The following ST3GAL1 variants were observed in gnomAD, a reference collection of about 807,000 sequenced individuals.
The protein encoded by ST3GAL1 is CMP-N-acetylneuraminate-beta-galactosamide-alpha-2,3-sialyltransferase 1.
In ST3GAL1, 16 loss-of-function variants were observed where a neutral mutation model predicts 34.1. That is an observed-to-expected ratio of 0.47 (90% CI 0.32 to 0.71). ST3GAL1 has a LOEUF of 0.71. Ranked by LOEUF, ST3GAL1 falls within the 30% of genes least tolerant of loss-of-function variation. The pLI is 0.04. For missense variants in ST3GAL1, 353 were observed against 447.4 expected, an observed-to-expected ratio of 0.79 and a Z score of 1.90; for synonymous variants, 191 against 184.7, an observed-to-expected ratio of 1.03 and a Z score of -0.28.
At position 133,463,898 on chromosome 8, in the gene ST3GAL1, G is replaced by A. The variant is rs550688625; in HGVS notation, c.684-439C>T. ...GCAAAGGTGCCAAAGCTGGTCCCAC[G>A]GGTGTGATTCCTGCTCCCAGAGAGA... On this transcript the variant is annotated intron_variant, in intron 7 of 9. Coordinates refer to ENST00000522652, the MANE Select transcript of ST3GAL1 (RefSeq NM_173344.3). Among the ~76,000 whole-genome samples the A allele has an allele frequency of 3.9e-5, 6 of 152,274 alleles. No homozygotes were observed. The South Asian group carries it at 1.0e-3, about 26-fold the overall frequency.
chr8:133,565,547 G>A (rs1488526375), intron 1 of ST3GAL1, among the ~76,000 whole-genome samples: 1 of 152,132 alleles, frequency 6.6e-6, no homozygotes, highest in Non-Finnish European at 1.5e-5. Context: ...ACCATCTCTG[G>A]AAGCACATCT....
chr8:133,487,665 CA>C (rs1426518460), intron 3 of ST3GAL1, among the ~76,000 whole-genome samples: 2 of 152,162 alleles, frequency 1.3e-5, no homozygotes, highest in Middle Eastern at 3.2e-3. Context: ...CTGAACAAAA[CA>C]AAAGTTAGAC....
intron 2 of ST3GAL1, among the ~76,000 whole-genome samples, chr8:133,518,094 G>A (rs1479961312): frequency 2.0e-5 from 3 of 152,156 alleles, no homozygotes; most frequent in Admixed American, 2.0e-4. Context: ...ACTGACTCCT[G>A]GGCTGAGTGT....
intron 1 of ST3GAL1, among the ~76,000 whole-genome samples, chr8:133,568,259 C>T (rs1819465314): frequency 6.6e-6 from 1 of 152,102 alleles, no homozygotes; most frequent in African/African-American, 2.4e-5. Flanking sequence ...GACCCAGAGC[C>T]TGGAATAGTT....
intron 8 of ST3GAL1, 136 bp downstream of exon 8, chr8:133,463,278 A>G (rs1815579544): frequency 3.2e-6 from 3 of 936,830 alleles, no homozygotes; most frequent in Admixed American, 2.2e-5. Flanking sequence ...CCCCAGGGGG[A>G]TAGCTAAGTG....
chr8:133,499,998 A>T (rs1021815958), intron 2 of ST3GAL1, among the ~76,000 whole-genome samples: 3 of 152,196 alleles, frequency 2.0e-5, no homozygotes, highest in Non-Finnish European at 4.4e-5. Flanking sequence ...AGGAACAGAG[A>T]GACGTGAATC....
intron 6 of ST3GAL1, 148 bp downstream of exon 6, chr8:133,465,746 G>T (rs1394181238): frequency 1.3e-6 from 1 of 775,790 alleles, no homozygotes; most frequent in African/African-American, 1.7e-5. Flanking sequence ...TGAGGCCCAG[G>T]GGGTGCAGTG....
At chr8:133,564,239 T>A (rs1465199875) in intron 1 of ST3GAL1, among the ~76,000 whole-genome samples, 1 of 152,218 alleles carries the variant, frequency 6.6e-6, no homozygotes, top group Non-Finnish European at 1.5e-5. Context: ...GCTTTAATCC[T>A]TAGCACAAAA....
At chr8:133,538,313 G>C (rs956350925) in intron 2 of ST3GAL1, among the ~76,000 whole-genome samples, 1 of 152,188 alleles carries the variant, frequency 6.6e-6, no homozygotes. Flanking sequence ...TCAGGAGTTC[G>C]AGATCGGCCT....
intron 3 of ST3GAL1, among the ~76,000 whole-genome samples, chr8:133,481,199 C>G (rs545152685): frequency 7.0e-4 from 106 of 152,326 alleles, no homozygotes; most frequent in African/African-American, 2.4e-3. Context: ...ATGAGGCTGT[C>G]CTCCTTCAGA....
Position 133,518,128 on chromosome 8 carries a change from C to T in ST3GAL1, c.-428-18939G>A, listed in dbSNP as rs149017354. Among the ~76,000 whole-genome samples the T allele has an allele frequency of 8.1e-4, 124 of 152,368 alleles. 1 individual carries two copies. Among genetic ancestry groups the T allele is most frequent in the African/African-American group, 2.8e-3 (117 of 41,592 alleles). On this transcript the variant is annotated intron_variant, in intron 2 of 9. Transcript: ENST00000522652. ...GTTCCAACGGTCACCTCTGCTCCTA[C>T]TGTCCATGACTTGTCTGATATTCAC... is the stretch of plus-strand genomic sequence containing the variant.
chr8:133,563,755 C>T (rs1270717992), intron 1 of ST3GAL1, among the ~76,000 whole-genome samples: 1 of 152,154 alleles, frequency 6.6e-6, no homozygotes, highest in African/African-American at 2.4e-5. Flanking sequence ...AAACACACTC[C>T]CGGGTGGAGA....
intron 1 of ST3GAL1, among the ~76,000 whole-genome samples, chr8:133,569,272 A>T (rs1363048588): frequency 2.0e-5 from 3 of 152,198 alleles, no homozygotes; most frequent in Non-Finnish European, 4.4e-5. Context: ...GATTTTGAAA[A>T]GGCAAGAGGA....
At chr8:133,480,615 T>C (rs1233832363) in intron 3 of ST3GAL1, among the ~76,000 whole-genome samples, 1 of 152,148 alleles carries the variant, frequency 6.6e-6, no homozygotes, top group African/African-American at 2.4e-5. Context: ...GAGAGGTGGG[T>C]AACCCTTACG....
At chr8:133,487,448 G>C (rs1586608640) in intron 3 of ST3GAL1, among the ~76,000 whole-genome samples, 1 of 152,198 alleles carries the variant, frequency 6.6e-6, no homozygotes, top group East Asian at 1.9e-4. Context: ...ATAATGGCTA[G>C]TGGGGTTGAA....
At chr8:133,538,694 C>T (rs898692720) in intron 2 of ST3GAL1, among the ~76,000 whole-genome samples, 1 of 152,224 alleles carries the variant, frequency 6.6e-6, no homozygotes, top group Non-Finnish European at 1.5e-5. Flanking sequence ...TTAGAGCATT[C>T]CACCATGCTG....
chr8:133,561,108 C>CTTT (rs765993286), intron 1 of ST3GAL1, among the ~76,000 whole-genome samples: 81 of 106,160 alleles, frequency 7.6e-4, no homozygotes, highest in African/African-American at 9.5e-4. Context: ...CCAGAGCCAT[C>CTTT]TTTTTTTTTT....
intron 5 of ST3GAL1, among the ~76,000 whole-genome samples, chr8:133,472,672 G>T (rs1215843890): frequency 6.6e-6 from 1 of 152,132 alleles, no homozygotes; most frequent in Non-Finnish European, 1.5e-5. Context: ...AAGCTCTAAA[G>T]CCCTGCTCCT....
chr8:133,557,215 G>C (rs1049158462), intron 1 of ST3GAL1, among the ~76,000 whole-genome samples: 4 of 152,202 alleles, frequency 2.6e-5, no homozygotes, highest in Non-Finnish European at 5.9e-5. Context: ...ATTCACAAAA[G>C]ACAATACAAG....
Sources: gnomAD v4.1 joint callset for allele counts (sites outside exome capture counted in the v4.1 genomes callset) on GRCh38, gnomAD v4.1.1 for gene constraint, MANE v1.5 for transcripts, NCBI Gene and HGNC (gene_info 2026-07-23, HGNC 2026-07-21) for gene names.